LOC128125822: variants seen among roughly 807,000 people sequenced by gnomAD.
chr6:63,582,442 G>A, the LOC128125822 span: 64 of 152,658 alleles, frequency 4.2e-4, no homozygotes, highest in African/African-American at 1.3e-3. Context: ...TACATTATAC[G>A]ATGTGATGAA....
the LOC128125822 span, chr6:63,580,279 A>G: frequency 1.1e-6 from 1 of 940,326 alleles, no homozygotes; most frequent in African/African-American, 1.6e-5. Context: ...AAGCTTCCAT[A>G]GGAGTATTGA....
chr6:63,579,818 T>C, the LOC128125822 span, among the ~76,000 whole-genome samples: 1,117 of 152,294 alleles, frequency 7.3e-3, 15 homozygotes, highest in African/African-American at 0.025. Context: ...TACGTGTAAA[T>C]GGATTTGTGA....
the LOC128125822 span, chr6:63,578,681 A>G: frequency 7.8e-7 from 1 of 1,287,454 alleles, no homozygotes; most frequent in Non-Finnish European, 1.0e-6. Context: ...TTAATTTCTA[A>G]ATAAAGGTGA....
chr6:63,576,790 T>A, the LOC128125822 span: 1 of 999,662 alleles, frequency 1.0e-6, no homozygotes, highest in Non-Finnish European at 1.5e-6. Context: ...TGGAGTATAT[T>A]GAAGTAGACT....
At chr6:63,580,224 T>A in the LOC128125822 span, 43 of 1,378,568 alleles carry the variant, frequency 3.1e-5, no homozygotes, top group South Asian at 4.4e-4. Context: ...TAGGGCCTAA[T>A]TTGTTATACA....
chr6:63,573,472 G>C, the LOC128125822 span: 1 of 152,230 alleles, frequency 6.6e-6, no homozygotes, highest in African/African-American at 2.4e-5. Flanking sequence ...GACTGAAGGC[G>C]CGGCGCGAAC....
At chr6:63,575,479 A>T in the LOC128125822 span, among the ~76,000 whole-genome samples, 2 of 152,176 alleles carry the variant, frequency 1.3e-5, no homozygotes, top group African/African-American at 4.8e-5. Context: ...AAAATGGTTT[A>T]GTTCTTAAGG....
At chr6:63,576,929 A>G in the LOC128125822 span, 1 of 1,614,078 alleles carries the variant, frequency 6.2e-7, no homozygotes, top group South Asian at 1.1e-5. Context: ...ATACAAGAAC[A>G]TGAGATTTCT....
chr6:63,575,748 T>C, the LOC128125822 span, among the ~76,000 whole-genome samples: 4 of 152,184 alleles, frequency 2.6e-5, no homozygotes, highest in Non-Finnish European at 4.4e-5. Context: ...TACATTCTTA[T>C]GATATTTCAC....
the LOC128125822 span, chr6:63,583,320 TTGTGTGTATATA>T: frequency 6.6e-6 from 1 of 152,228 alleles, no homozygotes; most frequent in East Asian, 1.9e-4. Flanking sequence ...ATTAATATGT[TTGTGTGTATATA>T]TGTGCCTCAC....
the LOC128125822 span, among the ~76,000 whole-genome samples, chr6:63,573,767 T>A: frequency 6.6e-6 from 1 of 152,172 alleles, no homozygotes; most frequent in Non-Finnish European, 1.5e-5. Context: ...ATGGCCTGGT[T>A]CGGAGCGTCT....
chr6:63,582,654 G>A, the LOC128125822 span: 3,028 of 152,292 alleles, frequency 0.02, 42 homozygotes, highest in Non-Finnish European at 0.03. Context: ...GTAAATAGAG[G>A]CTAGCTACCT....
chr6:63,578,629 C>G, the LOC128125822 span: 1 of 1,413,234 alleles, frequency 7.1e-7, no homozygotes. Flanking sequence ...ATAAATAGAC[C>G]TCAAAAAGCT....
At chr6:63,573,889 A>G in the LOC128125822 span, among the ~76,000 whole-genome samples, 1 of 152,126 alleles carries the variant, frequency 6.6e-6, no homozygotes. Flanking sequence ...GCGCCTTTTA[A>G]TCGGGGACTG....
At chr6:63,580,048 T>TC in the LOC128125822 span, 6 of 1,575,684 alleles carry the variant, frequency 3.8e-6, no homozygotes, top group African/African-American at 6.9e-5. Context: ...TTTTTTTTTT[T>TC]CCTCCCAGAA....
chr6:63,576,872 TA>T, the LOC128125822 span: 1 of 1,605,666 alleles, frequency 6.2e-7, no homozygotes, highest in Non-Finnish European at 8.5e-7. Context: ...GTTTTTTAAC[TA>T]AATTAACATG....
the LOC128125822 span, chr6:63,579,181 G>C: frequency 6.8e-7 from 1 of 1,469,370 alleles, no homozygotes; most frequent in Admixed American, 1.9e-5. Context: ...CTTCTGAGTT[G>C]GGGAATGTTT....
the LOC128125822 span, chr6:63,579,320 A>C: frequency 6.2e-7 from 1 of 1,602,054 alleles, no homozygotes; most frequent in Non-Finnish European, 8.5e-7. Flanking sequence ...ATGCAGTACA[A>C]TTCATAAGAC....
At chr6:63,573,075 G>C in the LOC128125822 span, among the ~76,000 whole-genome samples, 5 of 151,934 alleles carry the variant, frequency 3.3e-5, no homozygotes, top group African/African-American at 7.2e-5. Context: ...CACAAAAGCC[G>C]CTTTGTGACC....
Sources: gnomAD v4.1 joint callset for allele counts (sites outside exome capture counted in the v4.1 genomes callset) on GRCh38, gnomAD v4.1.1 for gene constraint, MANE v1.5 for transcripts.